DNAI7: variants seen among roughly 807,000 people sequenced by gnomAD.
DNAI7 encodes dynein axonemal intermediate chain 7, also known as cancer susceptibility 1.
Under a neutral mutation model 86.6 loss-of-function variants are expected in DNAI7, and 78 were observed. That is an observed-to-expected ratio of 0.90 (90% confidence interval 0.75 to 1.09). The LOEUF (loss-of-function observed/expected upper bound fraction) is 1.09. Among genes scored for constraint, DNAI7 ranks in the 50% least tolerant of loss-of-function variants. The pLI, the probability that DNAI7 is intolerant of heterozygous loss-of-function variation, is 0.00. For synonymous variants in DNAI7, 274 were observed against 273.0 expected (o/e 1.00, Z -0.04); for missense variants, 753 against 810.2 (o/e 0.93, Z 0.86).
intron 8 of DNAI7, among the ~76,000 whole-genome samples, chr12:25,145,782 G>C (rs1488408071): frequency 6.6e-6 from 1 of 152,102 alleles, no homozygotes; most frequent in African/African-American, 2.4e-5. Context: ...CTATACTAAT[G>C]CAAGTAACTT....
At chr12:25,144,184 C>T (rs1944539923) in intron 9 of DNAI7, among the ~76,000 whole-genome samples, 181 bp downstream of exon 9, 1 of 152,106 alleles carries the variant, frequency 6.6e-6, no homozygotes, top group South Asian at 2.1e-4. Flanking sequence ...AGTGGCTCAA[C>T]TATTAATTGA....
chr12:25,191,725 A>C (rs1045626712), intron 1 of DNAI7, among the ~76,000 whole-genome samples: 2 of 152,108 alleles, frequency 1.3e-5, no homozygotes, highest in East Asian at 3.8e-4. Context: ...TAAATAAATA[A>C]AGCAGGTAAA....
rs534964515 is a variant in DNAI7 at position 25,186,770 on chromosome 12, A to T, written c.21+3844T>A. Among the ~76,000 whole-genome samples, 4 of 152,264 alleles carry T rather than the reference A, an allele frequency of 2.6e-5. No individual in the cohort carries two copies. In the East Asian group the frequency reaches 7.7e-4, roughly 29 times the overall value. ...TTGTGACAGAGGAGGATGCAATGGT[A>T]AAAAGGCAGGGTTTTTTTTTTAATG... On this transcript the variant is annotated intron_variant, in intron 2 of 15. Transcript: ENST00000395987.
chr12:25,127,148 A>C (rs186393637), intron 9 of DNAI7, among the ~76,000 whole-genome samples: 108 of 152,366 alleles, frequency 7.1e-4, no homozygotes, highest in Non-Finnish European at 1.3e-3. Flanking sequence ...GTCAACTTAC[A>C]TTCTAGCACA....
chr12:25,152,133 C>A (rs1055245733), intron 6 of DNAI7, among the ~76,000 whole-genome samples: 1 of 152,224 alleles, frequency 6.6e-6, no homozygotes, highest in African/African-American at 2.4e-5. Context: ...CTGGCACAAG[C>A]TTCTTAGAAT....
At chr12:25,191,418 C>G (rs1430395576) in intron 1 of DNAI7, among the ~76,000 whole-genome samples, 2 of 152,042 alleles carry the variant, frequency 1.3e-5, no homozygotes, top group East Asian at 1.9e-4. Flanking sequence ...ATAAATAAAA[C>G]AGGCGGCTGG....
Position 25,188,973 on chromosome 12 carries a change from T to C in DNAI7, c.21+1641A>G, listed in dbSNP as rs1246500666. Reference sequence around the variant, plus strand: ...CTTCCAGAGCCTTCATAAATTTTGTTCAGTTATATCCACAGTTTCTAAAAG... The same window carrying C: ...CTTCCAGAGCCTTCATAAATTTTGTCCAGTTATATCCACAGTTTCTAAAAG... On this transcript the variant is annotated intron_variant, in intron 2 of 15. Transcript: ENST00000395987. Among the ~76,000 whole-genome samples, 4 of 152,122 alleles carry C rather than the reference T, an allele frequency of 2.6e-5. No homozygotes were observed. The South Asian group carries it at 8.3e-4, about 31-fold the overall frequency.
intron 2 of DNAI7, among the ~76,000 whole-genome samples, chr12:25,187,084 G>A (rs564713818): frequency 6.6e-6 from 1 of 152,214 alleles, no homozygotes; most frequent in Non-Finnish European, 1.5e-5. Flanking sequence ...AACTTTCCCA[G>A]GCTGCCCATC....
At chr12:25,165,642 C>T (rs563221299) in intron 2 of DNAI7, among the ~76,000 whole-genome samples, 15 of 151,344 alleles carry the variant, frequency 9.9e-5, no homozygotes, top group Admixed American at 4.6e-4. Context: ...CCAATTGCCT[C>T]GGAAGCCTAC....
Position 25,149,736 on chromosome 12 carries a change from T to C in DNAI7, c.477A>G (p.Pro159=), listed in dbSNP as rs757626013. 2.5e-5 allele frequency: 38 copies of C among 1,546,046 alleles called. No homozygotes were observed. The Middle Eastern group carries it at 5.2e-4, about 21-fold the overall frequency. The change falls in exon 7 of 16, where the codon CCA becomes CCG. Residue 159 remains proline, a synonymous_variant. Transcript: ENST00000395987. ...EKLKFILLET[P]PCDLQDKNII... ...TATTTTTATCTTGCAAATCACATGG[T>C]GGAGTTTCCAGTAAAATAAATTTCA...
At chr12:25,163,496 A>G (rs1421198491) in intron 2 of DNAI7, among the ~76,000 whole-genome samples, 5 of 152,000 alleles carry the variant, frequency 3.3e-5, no homozygotes, top group African/African-American at 1.2e-4. Flanking sequence ...AATCTTATAA[A>G]ACGGCCCTAC....
intron 8 of DNAI7, among the ~76,000 whole-genome samples, chr12:25,145,191 CTA>C (rs1944674810): frequency 6.6e-6 from 1 of 152,178 alleles, no homozygotes. Context: ...TCGGAAGAAT[CTA>C]TGACTCCCAA....
At chr12:25,122,749 G>A (rs985348499) in intron 10 of DNAI7, among the ~76,000 whole-genome samples, 1 of 152,168 alleles carries the variant, frequency 6.6e-6, no homozygotes, top group Non-Finnish European at 1.5e-5. Context: ...AGTTGTGTAT[G>A]TGTACTTGTG....
chr12:25,177,843 A>T (rs1170257479), intron 2 of DNAI7, among the ~76,000 whole-genome samples: 1 of 152,212 alleles, frequency 6.6e-6, no homozygotes, highest in African/African-American at 2.4e-5. Context: ...AAGGTGTTAA[A>T]AAATACAGAC....
chr12:25,149,653 C>T lies in DNAI7; in HGVS notation c.560G>A (p.Gly187Asp), dbSNP rs748961237. 1.0e-5 allele frequency: 16 copies of T among 1,606,812 alleles called. No homozygotes were observed. In the East Asian group the frequency reaches 2.7e-4, roughly 27 times the overall value. ...TTTGAGAAGTATTTCTGTGGCTACA[C>T]CGAATTTAAGATGAAGGAGCTCCTG... ...QLQELLHLKF[G>D]VATEILLKQA... Residue 187 changes from glycine to aspartate, a missense_variant, in exon 7 of 16, where the codon GGT (glycine) becomes GAT (aspartate). Gly to Asp is a moderately conservative substitution (Grantham distance 94, BLOSUM62 -1). Coordinates refer to ENST00000395987, the MANE Select transcript of DNAI7 (RefSeq NM_018272.5).
chr12:25,151,170 C>T (rs1945493252), intron 6 of DNAI7, among the ~76,000 whole-genome samples: 2 of 152,116 alleles, frequency 1.3e-5, no homozygotes, highest in Non-Finnish European at 2.9e-5. Flanking sequence ...CAATCCTGGC[C>T]ACCTCTCAAC....
intron 13 of DNAI7, among the ~76,000 whole-genome samples, chr12:25,114,300 A>G (rs116959226): frequency 0.014 from 2,157 of 152,232 alleles, 101 homozygotes; most frequent in East Asian, 0.11. Flanking sequence ...ACCAACCTCA[A>G]AAAGGATTTC....
intron 13 of DNAI7, among the ~76,000 whole-genome samples, chr12:25,114,014 C>T (rs532884454): frequency 1.4e-4 from 19 of 132,576 alleles, no homozygotes; most frequent in Non-Finnish European, 6.1e-5. Context: ...GGTACGATCT[C>T]GGCTCATGGC....
At chr12:25,189,328 G>A (rs979573729) in intron 2 of DNAI7, among the ~76,000 whole-genome samples, 33 of 152,084 alleles carry the variant, frequency 2.2e-4, no homozygotes, top group African/African-American at 7.7e-4. Flanking sequence ...AGGTATGCAC[G>A]AATGCATGTG....
Sources: gnomAD v4.1 joint callset for allele counts (sites outside exome capture counted in the v4.1 genomes callset) on GRCh38, gnomAD v4.1.1 for gene constraint, MANE v1.5 for transcripts, NCBI Gene and HGNC (gene_info 2026-07-23, HGNC 2026-07-21) for gene names.